NHSL2: variants seen among roughly 807,000 people sequenced by gnomAD.
NHSL2 encodes NHS-like protein 2.
In NHSL2, 27 loss-of-function variants were observed where a neutral mutation model predicts 53.4. The observed-to-expected ratio is 0.51, with a 90% CI of 0.37 to 0.70. NHSL2 has a LOEUF of 0.70. Ranked by LOEUF, NHSL2 falls within the 30% of genes least tolerant of loss-of-function variation. NHSL2 has a pLI of 0.00. For missense variants in NHSL2, 892 were observed against 980.1 expected (o/e 0.91, Z 1.20); for synonymous variants, 408 against 404.1 (o/e 1.01, Z -0.12).
intron 1 of NHSL2, among the ~76,000 whole-genome samples, chrX:72,070,208 C>T (rs1311453343): frequency 1.9e-5 from 2 of 104,124 alleles, no homozygotes; most frequent in African/African-American, 7.0e-5. Flanking sequence ...CTACACCTCT[C>T]CTGGCTCTAC....
Position 72,139,865 on chromosome X carries a change from C to G in NHSL2, c.2317C>G (p.Leu773Val), listed in dbSNP as rs1317938729. 1 of 1,210,973 alleles carries G rather than the reference C, an allele frequency of 8.3e-7. No individual in the cohort carries two copies. Among genetic ancestry groups the G allele is most frequent in the South Asian group, 1.8e-5 (1 of 56,975 alleles). ...TCCCAAGTCACGGCTATCATTTGAC[C>G]TACCACTGACCTCTTCACCCAACCT... ...KFPKSRLSFDLPLTSSPNLDL... is the reference protein window; with the variant it reads ...KFPKSRLSFDVPLTSSPNLDL... The change falls in exon 6 of 8, where the codon CTA (leucine) becomes GTA (valine). Residue 773 changes from leucine (L) to valine (V), a missense_variant. Transcript: ENST00000633930.
At chrX:72,060,927 A>C (rs573475523) in intron 1 of NHSL2, among the ~76,000 whole-genome samples, 1 of 112,944 alleles carries the variant, frequency 8.9e-6, no homozygotes, top group African/African-American at 3.2e-5. Flanking sequence ...GGCTGTGAGG[A>C]GGGATTTGGC....
chrX:71,923,259 C>G (rs374508558), intron 1 of NHSL2, among the ~76,000 whole-genome samples: 14 of 112,095 alleles, frequency 1.2e-4, no homozygotes, highest in African/African-American at 4.2e-4. Flanking sequence ...TTGGTGGAAT[C>G]TTTAGACAGG....
intron 1 of NHSL2, among the ~76,000 whole-genome samples, chrX:71,927,099 G>C (rs1212814721): frequency 8.9e-6 from 1 of 112,141 alleles, no homozygotes; most frequent in Non-Finnish European, 1.9e-5. Flanking sequence ...CTTCATTTGA[G>C]AGACAGAAAT....
intron 1 of NHSL2, among the ~76,000 whole-genome samples, chrX:71,988,193 A>G (rs2042011287): frequency 8.9e-6 from 1 of 111,807 alleles, no homozygotes; most frequent in African/African-American, 3.3e-5. Flanking sequence ...ACCCATTGCA[A>G]TGCCACTGAA....
At chrX:71,915,077 A>G (rs2041621873) in intron 1 of NHSL2, among the ~76,000 whole-genome samples, 1 of 111,433 alleles carries the variant, frequency 9.0e-6, no homozygotes, top group Non-Finnish European at 1.9e-5. Flanking sequence ...GCTTCATGGT[A>G]TTTCCATGTG....
chrX:72,000,236 G>A (rs1295729315), intron 1 of NHSL2, among the ~76,000 whole-genome samples: 1 of 111,534 alleles, frequency 9.0e-6, no homozygotes, highest in Non-Finnish European at 1.9e-5. Context: ...CTCTGTGCGA[G>A]GCTGTACTAT....
rs1361021482 is a variant in NHSL2 at position 72,147,106 on chromosome X, T to A, written c.*3532T>A. On this transcript the variant is annotated 3_prime_UTR_variant, in exon 8 of 8. Coordinates refer to ENST00000633930, the MANE Select transcript of NHSL2 (RefSeq NM_001013627.3). ...GACCCGATTGCAGTCTCTCTGTACCTGTCAGTCTGAGCAGATCTGTCCACG... is the reference window on the plus strand; with the variant it reads ...GACCCGATTGCAGTCTCTCTGTACCAGTCAGTCTGAGCAGATCTGTCCACG... 6.2e-5 allele frequency: 7 copies of A among 112,288 alleles called. No individual in the cohort carries two copies. The allele number at this position is 112,288 out of a possible 1,213,427, so 9.3% of individuals were successfully genotyped here. A position where few individuals can be genotyped will look rare whatever the true frequency, so the allele number is the denominator to read the frequency against.
At chrX:72,128,071 G>A (rs1223002999) in intron 1 of NHSL2, 1 of 111,887 alleles carries the variant, frequency 8.9e-6, no homozygotes, top group Non-Finnish European at 1.9e-5. Flanking sequence ...GGAGAGAGGG[G>A]ATCTTTTTAA....
chrX:72,006,585 C>T (rs5991897), intron 1 of NHSL2, among the ~76,000 whole-genome samples: 9,494 of 112,349 alleles, frequency 0.085, 997 homozygotes, highest in African/African-American at 0.29. Context: ...CCAGCTCTCG[C>T]TCTGTTGCCC....
chrX:72,043,594 A>C (rs1013181044), intron 1 of NHSL2, among the ~76,000 whole-genome samples: 2 of 111,472 alleles, frequency 1.8e-5, no homozygotes, highest in African/African-American at 6.5e-5. Context: ...TTTCCATGAT[A>C]CTTTGCTCCC....
At chrX:71,939,456 G>A (rs774135332) in intron 1 of NHSL2, among the ~76,000 whole-genome samples, 1 of 112,090 alleles carries the variant, frequency 8.9e-6, no homozygotes, top group South Asian at 3.8e-4. Context: ...AGATGGGAAG[G>A]AATGGATGAA....
Position 72,149,095 on chromosome X carries a change from T to TA in NHSL2, c.*5522dup, listed in dbSNP as rs1345850684. 5.5e-5 allele frequency: 6 copies of TA among 109,703 alleles called. No individual in the cohort carries two copies. Among genetic ancestry groups the TA allele is most frequent in the Non-Finnish European group, 1.1e-4 (6 of 52,685 alleles). The allele number at this position is 109,703 out of a possible 1,213,427, so 9.0% of individuals were successfully genotyped here. A position where few individuals can be genotyped will look rare whatever the true frequency, so the allele number is the denominator to read the frequency against. ...TCATGTTTTATGGGACTCCGGTGCA[T>TA]ATGCTCGAAAAAAATTAAAAAGAAC... On this transcript the variant is annotated 3_prime_UTR_variant, in exon 8 of 8. Coordinates refer to ENST00000633930, the MANE Select transcript of NHSL2 (RefSeq NM_001013627.3).
At chrX:72,082,438 T>C (rs769168988) in intron 1 of NHSL2, among the ~76,000 whole-genome samples, 4 of 112,006 alleles carry the variant, frequency 3.6e-5, no homozygotes, top group South Asian at 3.7e-4. Flanking sequence ...AGCACCAAGA[T>C]TGACTGAGAT....
intron 1 of NHSL2, among the ~76,000 whole-genome samples, chrX:71,963,169 T>C (rs2041875874): frequency 9.0e-6 from 1 of 111,170 alleles, no homozygotes; most frequent in Non-Finnish European, 1.9e-5. Context: ...TCTTGAGGTG[T>C]AAAGTTGATC....
intron 1 of NHSL2, among the ~76,000 whole-genome samples, chrX:71,911,643 G>C (rs1240832169): frequency 8.9e-6 from 1 of 112,639 alleles, no homozygotes; most frequent in East Asian, 2.8e-4. Context: ...CCGCCTCCTG[G>C]GGTTTTGGCT....
chrX:71,973,688 A>T (rs2041936068), intron 1 of NHSL2, among the ~76,000 whole-genome samples: 2 of 111,339 alleles, frequency 1.8e-5, no homozygotes, highest in Admixed American at 1.9e-4. Context: ...TGGAGCTTGC[A>T]TCCTATTAGC....
intron 1 of NHSL2, among the ~76,000 whole-genome samples, chrX:72,106,114 CAGG>C (rs1196851887): frequency 9.0e-6 from 1 of 110,947 alleles, no homozygotes; most frequent in Non-Finnish European, 1.9e-5. Context: ...GAGGCTGAGG[CAGG>C]AGAATGGCGT....
intron 1 of NHSL2, among the ~76,000 whole-genome samples, chrX:72,011,051 G>A (rs2042113454): frequency 8.9e-6 from 1 of 112,264 alleles, no homozygotes; most frequent in Non-Finnish European, 1.9e-5. Context: ...TAGGGATTTT[G>A]TTTTCAGTCA....
Sources: allele counts gnomAD v4.1 joint callset (sites outside exome capture counted in the v4.1 genomes callset), GRCh38; gene constraint gnomAD v4.1.1; transcripts MANE v1.5; gene names NCBI Gene and HGNC (gene_info 2026-07-23, HGNC 2026-07-21).